Variants in RPS6KC1 observed in about 807,000 individuals in gnomAD.
RPS6KC1 encodes the protein ribosomal protein S6 kinase C1.
In RPS6KC1, 54 loss-of-function variants were observed where a neutral mutation model predicts 103.8. The observed-to-expected ratio is 0.52, with a 90% CI of 0.42 to 0.65. RPS6KC1 has a LOEUF of 0.65. RPS6KC1 is among the 30% of genes least tolerant of loss of function. The probability of loss-of-function intolerance (pLI) is 0.00; values close to 1 mark genes in which losing one functional copy is unlikely to be tolerated. For missense variants in RPS6KC1, 1,151 were observed against 1,253.8 expected, an observed-to-expected ratio of 0.92 and a Z score of 1.24; for synonymous variants, 439 against 438.7, an observed-to-expected ratio of 1.00 and a Z score of -0.01.
chr1:213,508,742 A>C, the RPS6KC1 span, among the ~76,000 whole-genome samples: 1 of 152,232 alleles, frequency 6.6e-6, no homozygotes, highest in Non-Finnish European at 1.5e-5. Flanking sequence ...AATGATTGAC[A>C]CCACCAGGGT....
chr1:213,627,088 C>T, the RPS6KC1 span, among the ~76,000 whole-genome samples: 21,025 of 152,026 alleles, frequency 0.14, 2,289 homozygotes, highest in African/African-American at 0.31. Context: ...TGTTTGTATC[C>T]TCTTTTATTT....
At chr1:213,462,447 A>T in the RPS6KC1 span, among the ~76,000 whole-genome samples, 1 of 152,220 alleles carries the variant, frequency 6.6e-6, no homozygotes, top group South Asian at 2.1e-4. Context: ...ATAAAGACAC[A>T]TGCACACGTA....
chr1:213,658,124 G>T, the RPS6KC1 span, among the ~76,000 whole-genome samples: 1 of 152,192 alleles, frequency 6.6e-6, no homozygotes, highest in Non-Finnish European at 1.5e-5. Flanking sequence ...CTTCCAGAGT[G>T]CTTGGTTTTC....
At chr1:213,517,351 C>G in the RPS6KC1 span, among the ~76,000 whole-genome samples, 2 of 152,114 alleles carry the variant, frequency 1.3e-5, no homozygotes, top group African/African-American at 2.4e-5. Flanking sequence ...TTCCTGCTTT[C>G]TCTTGTGGGC....
chr1:213,430,297 G>A, the RPS6KC1 span, among the ~76,000 whole-genome samples: 3 of 152,172 alleles, frequency 2.0e-5, no homozygotes, highest in African/African-American at 7.2e-5. Flanking sequence ...AGAATTGCAC[G>A]GTGGGACAGA....
At chr1:213,330,390 G>T in the RPS6KC1 span, among the ~76,000 whole-genome samples, 4 of 152,340 alleles carry the variant, frequency 2.6e-5, no homozygotes, top group Non-Finnish European at 5.9e-5. Context: ...TTGGAGTCTA[G>T]TAGGGAAGAG....
At chr1:213,507,804 A>C in the RPS6KC1 span, among the ~76,000 whole-genome samples, 1 of 152,202 alleles carries the variant, frequency 6.6e-6, no homozygotes, top group Non-Finnish European at 1.5e-5. Flanking sequence ...CAATGCCTTA[A>C]ATTCTTTTTT....
At chr1:213,852,813 G>C in the RPS6KC1 span, among the ~76,000 whole-genome samples, 2 of 152,146 alleles carry the variant, frequency 1.3e-5, no homozygotes. Context: ...ATTTATCTTA[G>C]GGGCACAGAG....
the RPS6KC1 span, among the ~76,000 whole-genome samples, chr1:213,658,421 A>AG: frequency 6.6e-6 from 1 of 152,174 alleles, no homozygotes; most frequent in African/African-American, 2.4e-5. Flanking sequence ...GCGAGCACTG[A>AG]GGGGGCAGAA....
At chr1:213,329,413 C>A in the RPS6KC1 span, among the ~76,000 whole-genome samples, 6 of 152,084 alleles carry the variant, frequency 3.9e-5, no homozygotes, top group African/African-American at 1.2e-4. Context: ...CATCTAATCC[C>A]TTATCATGAG....
chr1:213,374,848 G>C, the RPS6KC1 span, among the ~76,000 whole-genome samples: 1 of 152,210 alleles, frequency 6.6e-6, no homozygotes, highest in Non-Finnish European at 1.5e-5. Flanking sequence ...GAGGCCTCTG[G>C]GAGGGGGGCC....
At chr1:213,449,029 C>G in the RPS6KC1 span, among the ~76,000 whole-genome samples, 7 of 152,166 alleles carry the variant, frequency 4.6e-5, no homozygotes, top group Non-Finnish European at 1.0e-4. Context: ...TCACAGATGT[C>G]CTTTGTAATT....
At chr1:213,613,772 C>G in the RPS6KC1 span, among the ~76,000 whole-genome samples, 2 of 152,162 alleles carry the variant, frequency 1.3e-5, no homozygotes, top group African/African-American at 4.8e-5. Flanking sequence ...GGCAAGTTGG[C>G]TGGGCCCAGA....
chr1:213,513,084 A>G, the RPS6KC1 span, among the ~76,000 whole-genome samples: 5 of 152,222 alleles, frequency 3.3e-5, no homozygotes, highest in South Asian at 2.1e-4. Context: ...GCCCAATGCC[A>G]TCACAGGTTC....
intron 3 of RPS6KC1, among the ~76,000 whole-genome samples, chr1:213,099,303 G>C (rs772796902): frequency 1.3e-5 from 2 of 151,782 alleles, no homozygotes; most frequent in Non-Finnish European, 2.9e-5. Flanking sequence ...TAGACTTTAC[G>C]CAACATTTTA....
chr1:213,556,822 G>C, the RPS6KC1 span, among the ~76,000 whole-genome samples: 120 of 152,324 alleles, frequency 7.9e-4, no homozygotes, highest in African/African-American at 2.8e-3. Flanking sequence ...TCTGGAAACT[G>C]TCAGGTCAGG....
the RPS6KC1 span, among the ~76,000 whole-genome samples, chr1:213,759,848 C>T: frequency 6.6e-6 from 1 of 152,220 alleles, no homozygotes. Context: ...CTCCCATGTC[C>T]TCTAGCAAGC....
chr1:213,767,174 T>C, the RPS6KC1 span, among the ~76,000 whole-genome samples: 1 of 152,176 alleles, frequency 6.6e-6, no homozygotes, highest in Admixed American at 6.5e-5. Context: ...TCCCAAAACA[T>C]TACTTTCTTC....
chr1:213,678,245 ATAACT>A, the RPS6KC1 span, among the ~76,000 whole-genome samples: 6 of 152,220 alleles, frequency 3.9e-5, no homozygotes, highest in Admixed American at 1.3e-4. Context: ...CCCTTGCAAA[ATAACT>A]TAACATCTTT....
Sources: gnomAD v4.1 joint callset for allele counts (sites outside exome capture counted in the v4.1 genomes callset) on GRCh38, gnomAD v4.1.1 for gene constraint, MANE v1.5 for transcripts, NCBI Gene and HGNC (gene_info 2026-07-23, HGNC 2026-07-21) for gene names.